Variants in KIRREL3 observed in about 807,000 individuals in gnomAD.
KIRREL3 encodes the protein kirre like nephrin family adhesion molecule 3.
Under a neutral mutation model 89.7 loss-of-function variants are expected in KIRREL3, and 36 were observed. That is an observed-to-expected ratio of 0.40 (90% CI 0.31 to 0.53). KIRREL3 has a LOEUF of 0.53. Among genes scored for constraint, KIRREL3 ranks in the 20% least tolerant of loss-of-function variants. The pLI is 0.49. For missense variants in KIRREL3, 864 were observed against 1,056.6 expected (o/e 0.82, Z 2.53); for synonymous variants, 445 against 441.4 (o/e 1.01, Z -0.10).
intron 1 of KIRREL3, among the ~76,000 whole-genome samples, chr11:126,847,065 C>T (rs1180050239): frequency 2.0e-5 from 3 of 152,038 alleles, no homozygotes; most frequent in Non-Finnish European, 2.9e-5. Context: ...TATGGTCAGG[C>T]ATTACAATTG....
Position 126,656,778 on chromosome 11 carries a change from G to A in KIRREL3, c.56-93866C>T, listed in dbSNP as rs538327958. Reference sequence around the variant, plus strand: ...TGAAAATAAATGAAACTGGCTAGGCGTGGTGGCTCATGCCTGTGGTCCCAG... The same window carrying A: ...TGAAAATAAATGAAACTGGCTAGGCATGGTGGCTCATGCCTGTGGTCCCAG... On this transcript the variant is annotated intron_variant, in intron 1 of 16. Transcript: ENST00000525144. The surrounding 1 kb of genome is among the most constrained non-coding windows in gnomAD (Gnocchi z 4.0). 9.8e-5 allele frequency among the ~76,000 whole-genome samples: 15 copies of A among 152,322 alleles called. No homozygotes were observed. The highest frequency in any genetic ancestry group is 3.9e-4 in the Admixed American group (6 of 15,298).
Position 126,435,431 on chromosome 11 carries a change from C to T in KIRREL3, c.1553-128G>A, listed in dbSNP as rs140234651. 1.6e-3 allele frequency: 1,417 copies of T among 886,356 alleles called. 19 individuals are homozygous for T. In the African/African-American group the frequency reaches 0.02, roughly 12 times the overall value. 54.9% of individuals were successfully genotyped at this position (886,356 alleles called of 1,614,324 possible). Reference sequence around the variant, plus strand: ...TTCCCAGTCATGTCTCTGGGACCCCCCAACAGATCCAGGCTAGCCCAGCTG... The same window carrying T: ...TTCCCAGTCATGTCTCTGGGACCCCTCAACAGATCCAGGCTAGCCCAGCTG... On this transcript the variant is annotated intron_variant, in intron 12 of 16. Transcript: ENST00000525144.
intron 4 of KIRREL3, among the ~76,000 whole-genome samples, chr11:126,479,919 C>T (rs925541520): frequency 2.0e-5 from 3 of 152,188 alleles, no homozygotes; most frequent in Non-Finnish European, 2.9e-5. Context: ...CCTCTCTGAG[C>T]GGCCTTTCTA....
At chr11:126,681,919 G>T (rs1350051355) in intron 1 of KIRREL3, 1 of 454,640 alleles carries the variant, frequency 2.2e-6, no homozygotes, top group East Asian at 7.0e-5. Context: ...GCAACAGAAA[G>T]ATTTTTCAGA....
In KIRREL3 at chr11:126,605,938, G is replaced by T. The variant is rs747579723; in HGVS notation, c.56-43026C>A. 1.3e-5 allele frequency among the ~76,000 whole-genome samples: 2 copies of T among 152,216 alleles called. No individual in the cohort carries two copies. Among genetic ancestry groups the T allele is most frequent in the African/African-American group, 4.8e-5 (2 of 41,450 alleles). On this transcript the variant is annotated intron_variant, in intron 1 of 16. Coordinates refer to ENST00000525144, the MANE Select transcript of KIRREL3 (RefSeq NM_032531.4). This position sits in a 1 kb window ranked among gnomAD's most constrained non-coding sequence, Gnocchi z 5.7. The stretch of plus-strand genomic sequence containing the variant: ...CCTGTTCATTCTCTGCCTCAGGGAA[G>T]TGACACACAGAATGGCCCCTTTGGC...
intron 4 of KIRREL3, among the ~76,000 whole-genome samples, chr11:126,503,244 C>T (rs1344290358): frequency 2.0e-5 from 3 of 152,050 alleles, no homozygotes; most frequent in African/African-American, 7.2e-5. Flanking sequence ...GGGGGGCGTC[C>T]GAGCCTGTGG....
chr11:126,663,651 A>T (rs1945524188), intron 1 of KIRREL3, among the ~76,000 whole-genome samples: 1 of 152,192 alleles, frequency 6.6e-6, no homozygotes, highest in Admixed American at 6.5e-5. Flanking sequence ...GCAGGTTCCC[A>T]GGGAAGTGGC....
rs1235167188 is a variant in KIRREL3 at position 126,710,219 on chromosome 11, G to A, written c.56-147307C>T. On this transcript the variant is annotated intron_variant, in intron 1 of 16. Coordinates refer to ENST00000525144, the MANE Select transcript of KIRREL3 (RefSeq NM_032531.4). This position sits in a 1 kb window ranked among gnomAD's most constrained non-coding sequence, Gnocchi z 4.2. ...ATCTGTCCACAGGCAGCAGGGCCCT[G>A]ACCAACAGGTGGCTTCTCGGAGCAG... 6.6e-6 allele frequency among the ~76,000 whole-genome samples: 1 copy of A among 152,150 alleles called. No individual in the cohort carries two copies. The highest frequency in any genetic ancestry group is 1.5e-5 in the Non-Finnish European group (1 of 68,026).
chr11:126,923,196 T>TTC (rs1565423232), intron 1 of KIRREL3, among the ~76,000 whole-genome samples: 727 of 9,268 alleles, frequency 0.078, 217 homozygotes, highest in South Asian at 0.14. Flanking sequence ...TCTCTTCTTC[T>TTC]TCTTCTTCTT....
intron 2 of KIRREL3, among the ~76,000 whole-genome samples, chr11:126,529,996 G>A (rs1406986416): frequency 3.3e-5 from 5 of 151,238 alleles, no homozygotes; most frequent in African/African-American, 9.8e-5. Flanking sequence ...ACAGACCTTA[G>A]GGCCTCTCCT....
chr11:126,809,416 G>A (rs1421600632), intron 1 of KIRREL3, among the ~76,000 whole-genome samples: 1 of 152,152 alleles, frequency 6.6e-6, no homozygotes, highest in African/African-American at 2.4e-5. Context: ...GGAACTGACC[G>A]TGCCCCCCAA....
chr11:127,000,702 C>T lies in KIRREL3; in HGVS notation c.-193G>A. 1 of 556,374 alleles carries T rather than the reference C, an allele frequency of 1.8e-6. No individual in the cohort carries two copies. Among genetic ancestry groups the T allele is most frequent in the Non-Finnish European group, 3.2e-6 (1 of 313,944 alleles). 34.5% of individuals were successfully genotyped at this position (556,374 alleles called of 1,614,324 possible). A position where few individuals can be genotyped will look rare whatever the true frequency, so the allele number is the denominator to read the frequency against. Reference sequence around the variant, plus strand: ...ATCTGCAGCCAGCCGACACAAACTGCCTGTTCTTAGCCGCCTCGGGAAGCC... The same window carrying T: ...ATCTGCAGCCAGCCGACACAAACTGTCTGTTCTTAGCCGCCTCGGGAAGCC... On this transcript the variant is annotated 5_prime_UTR_variant, in exon 1 of 17. Transcript: ENST00000525144. This position sits in a 1 kb window ranked among gnomAD's most constrained non-coding sequence, Gnocchi z 7.1.
chr11:126,881,460 G>A (rs1398068566), intron 1 of KIRREL3, among the ~76,000 whole-genome samples: 1 of 152,150 alleles, frequency 6.6e-6, no homozygotes, highest in Non-Finnish European at 1.5e-5. Context: ...CCTTGGTCAT[G>A]GTCACCAACA....
chr11:126,835,871 G>C (rs1247552762), intron 1 of KIRREL3, among the ~76,000 whole-genome samples: 2 of 152,186 alleles, frequency 1.3e-5, no homozygotes, highest in Admixed American at 6.5e-5. Flanking sequence ...CAGTGCACTA[G>C]AGACTGAGAT....
At chr11:126,448,846 T>A (rs1955922694) in intron 8 of KIRREL3, among the ~76,000 whole-genome samples, 163 bp downstream of exon 8, 1 of 152,184 alleles carries the variant, frequency 6.6e-6, no homozygotes, top group South Asian at 2.1e-4. Context: ...GAAATAAACA[T>A]GAAACAATGC....
rs558587855 is a variant in KIRREL3, at chr11:126,905,697, C to T, written c.55+94758G>A. On this transcript the variant is annotated intron_variant, in intron 1 of 16. Coordinates refer to ENST00000525144, the MANE Select transcript of KIRREL3 (RefSeq NM_032531.4). This position sits in a 1 kb window ranked among gnomAD's most constrained non-coding sequence, Gnocchi z 5.0. Reference sequence around the variant, plus strand: ...AATCTGTCTGGCCATGAACCCTTAACAGAACACCAGAGACCTATGTGAGAT... The same window carrying T: ...AATCTGTCTGGCCATGAACCCTTAATAGAACACCAGAGACCTATGTGAGAT... 2.6e-3 allele frequency among the ~76,000 whole-genome samples: 392 copies of T among 152,234 alleles called. 1 individual carries two copies. Among genetic ancestry groups the T allele is most frequent in the Non-Finnish European group, 4.7e-3 (317 of 68,014 alleles).
In KIRREL3 at chr11:126,489,116, C is replaced by T. The variant is rs559446310; in HGVS notation, c.434-15650G>A. 5.6e-4 allele frequency among the ~76,000 whole-genome samples: 86 copies of T among 152,330 alleles called. No homozygotes were observed. Among genetic ancestry groups the T allele is most frequent in the South Asian group, 2.9e-3 (14 of 4,824 alleles). On this transcript the variant is annotated intron_variant, in intron 4 of 16. Coordinates refer to ENST00000525144, the MANE Select transcript of KIRREL3 (RefSeq NM_032531.4). The surrounding 1 kb of genome is among the most constrained non-coding windows in gnomAD (Gnocchi z 5.5). Reference sequence around the variant, plus strand: ...CAGTCAGTCTCATCCTGGGGTGCATCCCAGGGCTCAGCCTGGGACCTCAGC... The same window carrying T: ...CAGTCAGTCTCATCCTGGGGTGCATTCCAGGGCTCAGCCTGGGACCTCAGC...
At chr11:127,000,877 C>T (rs1379863642), upstream of KIRREL3, 2 of 401,416 alleles carry the variant, frequency 5.0e-6, no homozygotes, top group Non-Finnish European at 4.4e-6. This position sits in a 1 kb window ranked among gnomAD's most constrained non-coding sequence, Gnocchi z 7.1. Flanking sequence ...GAAGCTGAGG[C>T]GAGGGGAGAG....
At chr11:126,735,081 A>G (rs1372462287) in intron 1 of KIRREL3, among the ~76,000 whole-genome samples, 1 of 152,212 alleles carries the variant, frequency 6.6e-6, no homozygotes, top group Non-Finnish European at 1.5e-5. Context: ...CTGCTGCCTG[A>G]TGGAGGAACA....
Sources: gnomAD v4.1 joint callset for allele counts (sites outside exome capture counted in the v4.1 genomes callset) on GRCh38, gnomAD v4.1.1 for gene constraint, Gnocchi (gnomAD v3.1) non-coding constraint, MANE v1.5 for transcripts, NCBI Gene and HGNC (gene_info 2026-07-23, HGNC 2026-07-21) for gene names.